Variants in PHACTR2 observed in about 807,000 individuals in gnomAD.
PHACTR2 encodes chromosome 6 open reading frame 56.
In PHACTR2, 30 loss-of-function variants were observed where a neutral mutation model predicts 76.0. The observed-to-expected ratio is 0.39, with a 90% CI of 0.30 to 0.54. PHACTR2 has a LOEUF of 0.54. Ranked by LOEUF, PHACTR2 falls within the 20% of genes least tolerant of loss-of-function variation. PHACTR2 has a pLI of 0.61. For synonymous variants in PHACTR2, 292 were observed against 292.5 expected (o/e 1.00, Z 0.02); for missense variants, 696 against 781.1 (o/e 0.89, Z 1.30).
rs150325309 is a variant in PHACTR2, at chr6:143,816,794, G to A, written c.1923-6880G>A. Among the ~76,000 whole-genome samples the A allele has an allele frequency of 3.4e-4, 52 of 152,246 alleles. No individual in the cohort carries two copies. The highest frequency in any genetic ancestry group is 1.1e-3 in the African/African-American group (45 of 41,542). On this transcript the variant is annotated intron_variant, in intron 12 of 12. Coordinates refer to ENST00000440869, the MANE Select transcript of PHACTR2 (RefSeq NM_001100164.2). This position sits in a 1 kb window ranked among gnomAD's most constrained non-coding sequence, Gnocchi z 4.5. ...AAGATTATCTCTTCTGGCTGGGTGC[G>A]GTGGCTCATGCCTGTAATCCCAGCA...
rs115402876 is a variant in PHACTR2, at chr6:143,729,297, T to G, written c.214+17114T>G. ...ATTTTCTCCCACTCTGTAGATTGTC[T>G]TTTCATTCTTATAACAGTACCTTTT... On this transcript the variant is annotated intron_variant, in intron 2 of 12. Transcript: ENST00000440869. Among the ~76,000 whole-genome samples, 837 of 152,334 alleles carry G rather than the reference T, an allele frequency of 5.5e-3. 9 individuals carry two copies. The highest frequency in any genetic ancestry group is 0.019 in the African/African-American group (773 of 41,594).
In PHACTR2 at chr6:143,539,557, G is replaced by A. The variant is rs1388720558; in HGVS notation, c.217+2350G>A. Among the ~76,000 whole-genome samples, 2 of 152,162 alleles carry A rather than the reference G, an allele frequency of 1.3e-5. No homozygotes were observed. Among genetic ancestry groups the A allele is most frequent in the Non-Finnish European group, 2.9e-5 (2 of 68,026 alleles). On this transcript the variant is annotated intron_variant, in intron 1 of 11. Coordinates refer to the PHACTR2 transcript ENST00000367584. This position sits in a 1 kb window ranked among gnomAD's most constrained non-coding sequence, Gnocchi z 4.3. ...CTGGGATCTCTGAATTATCTCAGAG[G>A]CACAATAAGAGGGTTACACGCCTTG...
chr6:143,816,556 G>A lies in PHACTR2; in HGVS notation c.1923-7118G>A, dbSNP rs767464511. Among the ~76,000 whole-genome samples the A allele has an allele frequency of 3.3e-5, 5 of 151,806 alleles. No individual in the cohort carries two copies. The highest frequency in any genetic ancestry group is 1.3e-4 in the Admixed American group (2 of 15,230). On this transcript the variant is annotated intron_variant, in intron 12 of 12. Coordinates refer to ENST00000440869, the MANE Select transcript of PHACTR2 (RefSeq NM_001100164.2). This position sits in a 1 kb window ranked among gnomAD's most constrained non-coding sequence, Gnocchi z 4.5. ...TTTGTGAGCATATTATTGCACGCAC[G>A]GTATCAATTGGTCACCTTCTTTTCC... is the stretch of plus-strand genomic sequence containing the variant.
rs1582748528 is a variant in PHACTR2, at chr6:143,664,361, C to T, written c.14-47655C>T. On this transcript the variant is annotated intron_variant, in intron 1 of 11. Transcript: ENST00000305766. This position sits in a 1 kb window ranked among gnomAD's most constrained non-coding sequence, Gnocchi z 5.1. ...TTTCTGCTGCTCACAATTTTTTAGTCTTTGTCATTAGATAAGAAAGCTTAT... is the reference window on the plus strand; with the variant it reads ...TTTCTGCTGCTCACAATTTTTTAGTTTTTGTCATTAGATAAGAAAGCTTAT... Among the ~76,000 whole-genome samples the T allele has an allele frequency of 2.0e-5, 3 of 152,086 alleles. No individual in the cohort carries two copies. The highest frequency in any genetic ancestry group is 7.2e-5 in the African/African-American group (3 of 41,494).
At chr6:143,810,111 G>GA (rs1038397316) in intron 12 of PHACTR2, among the ~76,000 whole-genome samples, 9 of 150,014 alleles carry the variant, frequency 6.0e-5, no homozygotes, top group African/African-American at 2.2e-4. Context: ...ATCCTGTCTC[G>GA]AAAAAAAAAT....
At position 143,731,676 on chromosome 6, in the gene PHACTR2, G is replaced by A. The variant is rs968241148; in HGVS notation, c.215-17309G>A. 6.6e-6 allele frequency among the ~76,000 whole-genome samples: 1 copy of A among 152,194 alleles called. No individual in the cohort carries two copies. Among genetic ancestry groups the A allele is most frequent in the Non-Finnish European group, 1.5e-5 (1 of 68,044 alleles). Reference sequence around the variant, plus strand: ...TGTTGAGGATTCATGGTATTGATCTGTAGTGTTCTTGCACTATCTTTGTCT... The same window carrying A: ...TGTTGAGGATTCATGGTATTGATCTATAGTGTTCTTGCACTATCTTTGTCT... On this transcript the variant is annotated intron_variant, in intron 2 of 12. Transcript: ENST00000440869. This position sits in a 1 kb window ranked among gnomAD's most constrained non-coding sequence, Gnocchi z 4.9.
chr6:143,710,453 G>A lies in PHACTR2; in HGVS notation c.47-1563G>A, dbSNP rs897310775. The stretch of plus-strand genomic sequence containing the variant: ...CACGCCTGTAATCCCAGCAGTTTGG[G>A]AGGCTGAGGCGGGTGGATCACTTGA... On this transcript the variant is annotated intron_variant, in intron 1 of 12. Coordinates refer to ENST00000440869, the MANE Select transcript of PHACTR2 (RefSeq NM_001100164.2). This position sits in a 1 kb window ranked among gnomAD's most constrained non-coding sequence, Gnocchi z 4.9. 1.3e-5 allele frequency among the ~76,000 whole-genome samples: 2 copies of A among 152,232 alleles called. No homozygotes were observed. Among genetic ancestry groups the A allele is most frequent in the African/African-American group, 4.8e-5 (2 of 41,454 alleles).
rs763024508 is a variant in PHACTR2, at chr6:143,672,657, C to G, written c.14-39359C>G. Among the ~76,000 whole-genome samples the G allele has an allele frequency of 2.6e-5, 4 of 152,188 alleles. No homozygotes were observed. Among genetic ancestry groups the G allele is most frequent in the South Asian group, 2.1e-4 (1 of 4,830 alleles). ...AATTTGCTAAAGTTCAGAGCCTTCTCTGTACTAACCTACTGGGCATCCCTA... is the reference window on the plus strand; with the variant it reads ...AATTTGCTAAAGTTCAGAGCCTTCTGTGTACTAACCTACTGGGCATCCCTA... On this transcript the variant is annotated intron_variant, in intron 1 of 11. Transcript: ENST00000305766. This position sits in a 1 kb window ranked among gnomAD's most constrained non-coding sequence, Gnocchi z 5.8.
Position 143,543,764 on chromosome 6 carries a change from A to G in PHACTR2, c.217+6557A>G, listed in dbSNP as rs1415884750. ...AGAGTAGAGAGCTGGGCAGAGACTG[A>G]GTATGGGAGGTTGCTGTGTTTGCCT... On this transcript the variant is annotated intron_variant, in intron 1 of 11. Coordinates refer to the PHACTR2 transcript ENST00000367584. The surrounding 1 kb of genome is among the most constrained non-coding windows in gnomAD (Gnocchi z 4.7). 6.6e-6 allele frequency among the ~76,000 whole-genome samples: 1 copy of G among 152,204 alleles called. No individual in the cohort carries two copies. Among genetic ancestry groups the G allele is most frequent in the Non-Finnish European group, 1.5e-5 (1 of 68,024 alleles).
chr6:143,544,846 T>C (rs1781208951), intron 1 of PHACTR2, among the ~76,000 whole-genome samples: 4 of 152,192 alleles, frequency 2.6e-5, no homozygotes, highest in Admixed American at 2.6e-4. Flanking sequence ...TAAGTATCTA[T>C]AAATCAAAAA....
chr6:143,550,470 A>G lies in PHACTR2; in HGVS notation c.217+13263A>G, dbSNP rs1775080651. Among the ~76,000 whole-genome samples, 1 of 151,950 alleles carries G rather than the reference A, an allele frequency of 6.6e-6. No individual in the cohort carries two copies. The highest frequency in any genetic ancestry group is 1.5e-5 in the Non-Finnish European group (1 of 67,940). On this transcript the variant is annotated intron_variant, in intron 1 of 11. Coordinates refer to the PHACTR2 transcript ENST00000367584. This position sits in a 1 kb window ranked among gnomAD's most constrained non-coding sequence, Gnocchi z 4.8. ...TTTCCTGTTTGGCAAACCTTACTAT[A>G]TATTATCTATATAGTAAATAATGGG... is the stretch of plus-strand genomic sequence containing the variant.
chr6:143,773,311 A>T (rs1283486050), intron 7 of PHACTR2, among the ~76,000 whole-genome samples: 1 of 152,194 alleles, frequency 6.6e-6, no homozygotes, highest in Non-Finnish European at 1.5e-5. Context: ...GGAAATAATA[A>T]TATCATTTAT....
chr6:143,693,906 AAGAAC>A (rs1484529541), intron 1 of PHACTR2, among the ~76,000 whole-genome samples: 1 of 152,104 alleles, frequency 6.6e-6, no homozygotes, highest in Non-Finnish European at 1.5e-5. Context: ...CGTCTATACA[AAGAAC>A]AGAAAAAATT....
intron 1 of PHACTR2, among the ~76,000 whole-genome samples, chr6:143,538,427 C>T (rs1781139732): frequency 6.6e-6 from 1 of 152,200 alleles, no homozygotes; most frequent in Non-Finnish European, 1.5e-5. Flanking sequence ...CCACCAGATG[C>T]GTCAAGTTTC....
rs1217808942 is a variant in PHACTR2, at chr6:143,765,138, T to G, written c.695-123T>G. On this transcript the variant is annotated intron_variant, in intron 5 of 12. Coordinates refer to ENST00000440869, the MANE Select transcript of PHACTR2 (RefSeq NM_001100164.2). The surrounding 1 kb of genome is among the most constrained non-coding windows in gnomAD (Gnocchi z 4.1). ...ATCATGATTAGCCTATTTTCTCTTA[T>G]ACATTTATTCAACAAACTTTAAAGG... The G allele has an allele frequency of 4.0e-6, 3 of 748,884 alleles. No homozygotes were observed. In the East Asian group the frequency reaches 7.8e-5, roughly 19 times the overall value. The allele number at this position is 748,884 out of a possible 1,614,324, so 46.4% of individuals were successfully genotyped here. A position where few individuals can be genotyped will look rare whatever the true frequency, so the allele number is the denominator to read the frequency against.
rs543018062 is a variant in PHACTR2, at chr6:143,548,476, G to T, written c.217+11269G>T. 4.6e-5 allele frequency among the ~76,000 whole-genome samples: 7 copies of T among 152,094 alleles called. No individual in the cohort carries two copies. The highest frequency in any genetic ancestry group is 1.0e-4 in the Non-Finnish European group (7 of 67,954). On this transcript the variant is annotated intron_variant, in intron 1 of 11. Transcript: ENST00000367584. The surrounding 1 kb of genome is among the most constrained non-coding windows in gnomAD (Gnocchi z 4.5). ...ATGCTGTGAGCATATATTCTCCTCAGATTTCCCCTATTTACATGTCTTCTG... is the reference window on the plus strand; with the variant it reads ...ATGCTGTGAGCATATATTCTCCTCATATTTCCCCTATTTACATGTCTTCTG...
chr6:143,636,128 T>TC (rs11440383), intron 1 of PHACTR2, among the ~76,000 whole-genome samples: 133,121 of 151,888 alleles, frequency 0.88, 58,702 homozygotes, highest in African/African-American at 0.95. Context: ...GGCAGGAGAA[T>TC]CTTTGAACCC....
chr6:143,564,227 ATATATATATG>A (rs1368096575), intron 1 of PHACTR2, among the ~76,000 whole-genome samples: 1,555 of 110,532 alleles, frequency 0.014, 55 homozygotes, highest in Middle Eastern at 0.033. Flanking sequence ...ATATATATAT[ATATATATATG>A]TATGCCACTG....
rs1384086402 is a variant in PHACTR2, at chr6:143,585,262, G to T, written c.217+48055G>T. 6.6e-6 allele frequency among the ~76,000 whole-genome samples: 1 copy of T among 152,104 alleles called. No homozygotes were observed. The highest frequency in any genetic ancestry group is 1.5e-5 in the Non-Finnish European group (1 of 68,008). The stretch of plus-strand genomic sequence containing the variant: ...GAAGGGAATTTGAGGTAGAGAAGGT[G>T]TTGGAAACCCAGCTAAGAAGTCACT... On this transcript the variant is annotated intron_variant, in intron 1 of 11. Coordinates refer to the PHACTR2 transcript ENST00000367584. This position sits in a 1 kb window ranked among gnomAD's most constrained non-coding sequence, Gnocchi z 5.2.
Sources: allele counts gnomAD v4.1 joint callset (sites outside exome capture counted in the v4.1 genomes callset), GRCh38; gene constraint gnomAD v4.1.1; non-coding constraint Gnocchi (gnomAD v3.1); transcripts MANE v1.5; gene names NCBI Gene and HGNC (gene_info 2026-07-23, HGNC 2026-07-21).